The following RSPO4 variants were observed in gnomAD, a reference collection of about 807,000 sequenced individuals.
RSPO4 encodes R-spondin-4.
Under a neutral mutation model 24.8 loss-of-function variants are expected in RSPO4, and 23 were observed. That is an observed-to-expected ratio of 0.93 (90% confidence interval 0.67 to 1.31). The LOEUF (loss-of-function observed/expected upper bound fraction) is 1.31. Ranked by LOEUF, RSPO4 falls within the 40% of genes most tolerant of loss-of-function variation. The pLI, the probability that RSPO4 is intolerant of heterozygous loss-of-function variation, is 0.00. For missense variants in RSPO4, 333 were observed against 316.5 expected (o/e 1.05, Z -0.39); for synonymous variants, 141 against 127.4 (o/e 1.11, Z -0.72).
Position 968,104 on chromosome 20 carries a change from A to G in RSPO4, c.114T>C (p.Cys38=), listed in dbSNP as rs747212538. The G allele has an allele frequency of 2.5e-6, 4 of 1,614,188 alleles. No homozygotes were observed. The highest frequency in any genetic ancestry group is 3.4e-6 in the Non-Finnish European group (4 of 1,180,036). ...AGCCGTTCTCCTCTGAGCAGATGAT[A>G]CAGCCTGTGCAGTTGCCCCCCAGGC... ...GTGLGGNCTG[C]IICSEENGCS... is the part of the protein sequence containing the mutation. Residue 38 remains cysteine, a synonymous_variant, in exon 2 of 5, where the codon TGT becomes TGC. Transcript: ENST00000217260.
intron 1 of RSPO4, among the ~76,000 whole-genome samples, chr20:992,263 C>CTT (rs35286852): frequency 0.084 from 10,329 of 123,392 alleles, 1,247 homozygotes; most frequent in African/African-American, 0.24. Flanking sequence ...GGTCCACTTT[C>CTT]TTTTTTTTTT....
chr20:973,432 T>C (rs1461950736), intron 1 of RSPO4, among the ~76,000 whole-genome samples: 9 of 150,192 alleles, frequency 6.0e-5, no homozygotes, highest in African/African-American at 2.2e-4. Flanking sequence ...GTTAGAGTTA[T>C]AGCACTATTT....
At chr20:966,199 G>A (rs1358944579) in intron 3 of RSPO4, among the ~76,000 whole-genome samples, 1 of 152,166 alleles carries the variant, frequency 6.6e-6, no homozygotes, top group Non-Finnish European at 1.5e-5. Context: ...AGCCCGGAGG[G>A]AATGCGTGGG....
chr20:992,335 G>C (rs1985136850), intron 1 of RSPO4, among the ~76,000 whole-genome samples: 1 of 148,278 alleles, frequency 6.7e-6, no homozygotes, highest in Non-Finnish European at 1.5e-5. Context: ...CTTTCATAGA[G>C]GAGTGAACAG....
intron 3 of RSPO4, among the ~76,000 whole-genome samples, chr20:966,231 A>G (rs551100073): frequency 3.8e-4 from 58 of 151,838 alleles, no homozygotes; most frequent in African/African-American, 1.3e-3. Flanking sequence ...AGTGTAGATG[A>G]GAATGCCAAG....
At chr20:992,546 G>A (rs1023624582) in intron 1 of RSPO4, among the ~76,000 whole-genome samples, 5 of 152,086 alleles carry the variant, frequency 3.3e-5, no homozygotes, top group Non-Finnish European at 5.9e-5. Flanking sequence ...CCCCCATGAC[G>A]CATGACAGTT....
intron 1 of RSPO4, among the ~76,000 whole-genome samples, chr20:996,989 A>T (rs554059592): frequency 6.6e-6 from 1 of 152,166 alleles, no homozygotes; most frequent in South Asian, 2.1e-4. Flanking sequence ...CACTGGCATG[A>T]TTCATTTCTA....
At chr20:980,388 A>G (rs765011952) in intron 1 of RSPO4, among the ~76,000 whole-genome samples, 4 of 151,994 alleles carry the variant, frequency 2.6e-5, no homozygotes, top group African/African-American at 7.3e-5. Context: ...GAGACAGGAA[A>G]TTGGCCAAAT....
intron 3 of RSPO4, among the ~76,000 whole-genome samples, chr20:965,525 G>A (rs115147427): frequency 6.6e-6 from 1 of 152,242 alleles, no homozygotes; most frequent in African/African-American, 2.4e-5. Flanking sequence ...GACTATCATT[G>A]TGAAATACTC....
rs1983942746 is a variant in RSPO4, at chr20:960,267, GGAGAAA to G, written c.*84_*89del. The G allele has an allele frequency of 2.5e-6, 2 of 796,176 alleles. No individual in the cohort carries two copies. The highest frequency in any genetic ancestry group is 3.4e-5 in the African/African-American group (2 of 58,878). 49.3% of individuals were successfully genotyped at this position (796,176 alleles called of 1,614,324 possible). A position where few individuals can be genotyped will look rare whatever the true frequency, so the allele number is the denominator to read the frequency against. Reference sequence around the variant, plus strand: ...AGAGAGGACAAATGGAGAAGACAGAGGAGAAAGAGTAAGAGGAGAGGAGGAGAAGGA... The same window carrying G: ...AGAGAGGACAAATGGAGAAGACAGAGGAGTAAGAGGAGAGGAGGAGAAGGA... On this transcript the variant is annotated 3_prime_UTR_variant, in exon 5 of 5. Transcript: ENST00000217260.
rs1041652722 is a variant in RSPO4, at chr20:959,514, C to T, written c.*843G>A. 6.6e-6 allele frequency: 1 copy of T among 152,508 alleles called. No homozygotes were observed. The highest frequency in any genetic ancestry group is 2.4e-5 in the African/African-American group (1 of 41,452). 9.4% of individuals were successfully genotyped at this position (152,508 alleles called of 1,614,324 possible). A position where few individuals can be genotyped will look rare whatever the true frequency, so the allele number is the denominator to read the frequency against. On this transcript the variant is annotated 3_prime_UTR_variant, in exon 5 of 5. Transcript: ENST00000217260. ...CTTCTGGGCTGGGCAGGTGGATCCCCCAGCAGTGACAGCTCACCTGATCCG... is the reference window on the plus strand; with the variant it reads ...CTTCTGGGCTGGGCAGGTGGATCCCTCAGCAGTGACAGCTCACCTGATCCG...
intron 1 of RSPO4, among the ~76,000 whole-genome samples, chr20:988,127 T>C (rs2122255641): frequency 6.6e-6 from 1 of 152,156 alleles, no homozygotes; most frequent in South Asian, 2.1e-4. Context: ...GAACGTGGTG[T>C]GGAAGAGAGC....
At chr20:984,560 G>C (rs1420684836) in intron 1 of RSPO4, among the ~76,000 whole-genome samples, 1 of 152,140 alleles carries the variant, frequency 6.6e-6, no homozygotes, top group Non-Finnish European at 1.5e-5. Context: ...CAGAGAGTTG[G>C]GAATGCAGTT....
In RSPO4 at chr20:964,062, G is replaced by T; in HGVS notation, c.468C>A (p.Thr156=). Residue 156 remains threonine (T), a synonymous_variant, in exon 4 of 5, where the codon ACC becomes ACA. Transcript: ENST00000217260. ...GWSPCTHNGK[T]CGSAWGLESR... ...TCTCCAGGCCCCAAGCCGAGCCGCA[G>T]GTCTTTCCATTGTGTGTGCAGGGGC... is the stretch of plus-strand genomic sequence containing the variant. 6.2e-7 allele frequency: 1 copy of T among 1,613,840 alleles called. No individual in the cohort carries two copies. Among genetic ancestry groups the T allele is most frequent in the Non-Finnish European group, 8.5e-7 (1 of 1,180,022 alleles).
In RSPO4 at chr20:960,431, G is replaced by T; in HGVS notation, c.631C>A (p.Arg211=). 3 of 1,539,670 alleles carry T rather than the reference G, an allele frequency of 1.9e-6. No homozygotes were observed. Among genetic ancestry groups the T allele is most frequent in the Non-Finnish European group, 2.6e-6 (3 of 1,147,256 alleles). Residue 211 remains arginine, a synonymous_variant, in exon 5 of 5, where the codon CGG becomes AGG. Coordinates refer to ENST00000217260, the MANE Select transcript of RSPO4 (RefSeq NM_001029871.4). ...SPGQKKGRKD[R]RPRKDRKLDR... ...AGCTTCCTGTCCTTGCGTGGGCGCC[G>T]GTCCTTCCTGCCCTTCTTCTGGCCG...
intron 1 of RSPO4, among the ~76,000 whole-genome samples, chr20:984,967 CTAT>C (rs1984862997): frequency 7.0e-6 from 1 of 142,560 alleles, no homozygotes; most frequent in Admixed American, 7.0e-5. Flanking sequence ...ACCCACCCAT[CTAT>C]CCATCCACTC....
chr20:967,136 G>C (rs776684603), intron 3 of RSPO4, 38 bp downstream of exon 3: 2 of 1,601,460 alleles, frequency 1.2e-6, no homozygotes, highest in African/African-American at 2.7e-5. Context: ...CCAGGGAGAG[G>C]GGAGGGGCAG....
chr20:967,437 A>C, intron 2 of RSPO4, 123 bp from the exon 3 acceptor site: 1 of 1,014,642 alleles, frequency 9.9e-7, no homozygotes, highest in South Asian at 1.3e-5. Context: ...GTCAGGACTC[A>C]GTGTCTCCTT....
Position 1,002,117 on chromosome 20 carries a change from G to A in RSPO4, c.48C>T (p.Asp16=), listed in dbSNP as rs530215228. 13 of 1,565,528 alleles carry A rather than the reference G, an allele frequency of 8.3e-6. 1 individual carries two copies. In the Admixed American group the frequency reaches 2.4e-4, roughly 29 times the overall value. ...TCTTCCTTCGGTTCAGGGCGAGCAT[G>A]TCCACGGCGTGGGCGACGAGCAGGA... ...CLLLLVAHAV[D]MLALNRRKKQ... The change falls in exon 1 of 5, where the codon GAC becomes GAT. Residue 16 remains aspartate, a synonymous_variant. Coordinates refer to ENST00000217260, the MANE Select transcript of RSPO4 (RefSeq NM_001029871.4). The surrounding 1 kb of genome is among the most constrained non-coding windows in gnomAD (Gnocchi z 4.6).
Sources: allele counts gnomAD v4.1 joint callset (sites outside exome capture counted in the v4.1 genomes callset), GRCh38; gene constraint gnomAD v4.1.1; non-coding constraint Gnocchi (gnomAD v3.1); transcripts MANE v1.5; gene names NCBI Gene and HGNC (gene_info 2026-07-23, HGNC 2026-07-21).